RBM33: variants seen among roughly 807,000 people sequenced by gnomAD.
RBM33 encodes the protein RNA-binding protein 33.
Under a neutral mutation model 132.6 loss-of-function variants are expected in RBM33, and 28 were observed. The observed-to-expected ratio is 0.21, with a 90% CI of 0.16 to 0.29. The LOEUF (loss-of-function observed/expected upper bound fraction) is 0.29, where lower values mean the gene tolerates loss of function less well. RBM33 is among the 10% of genes least tolerant of loss of function. RBM33 has a pLI of 1.00. For synonymous variants in RBM33, 634 were observed against 593.0 expected (o/e 1.07, Z -1.01); for missense variants, 1,291 against 1,518.5 (o/e 0.85, Z 2.49).
rs143797095 is a variant in RBM33, at chr7:155,684,805, C to T, written c.567+3897C>T. 16 of 1,008,810 alleles carry T rather than the reference C, an allele frequency of 1.6e-5. No individual in the cohort carries two copies. The East Asian group carries it at 4.0e-4, about 25-fold the overall frequency. 62.5% of individuals were successfully genotyped at this position (1,008,810 alleles called of 1,614,324 possible). A position where few individuals can be genotyped will look rare whatever the true frequency, so the allele number is the denominator to read the frequency against. On this transcript the variant is annotated intron_variant, in intron 5 of 17. Transcript: ENST00000401878. ...GTTTCTGGGCCTGGTGCTTTGTGCTCAGTCAGCTAATCACCATAGTAAAAC... is the reference window on the plus strand; with the variant it reads ...GTTTCTGGGCCTGGTGCTTTGTGCTTAGTCAGCTAATCACCATAGTAAAAC...
At chr7:155,750,581 CTCA>C (rs1207392896) in intron 14 of RBM33, among the ~76,000 whole-genome samples, 1 of 152,168 alleles carries the variant, frequency 6.6e-6, no homozygotes, top group Non-Finnish European at 1.5e-5. Context: ...TCCCAGTTTC[CTCA>C]TCAGTACAAT....
chr7:155,737,624 C>T lies in RBM33; in HGVS notation c.1355C>T (p.Pro452Leu). ...RLPLQDQWRAPPPPQDRDPFF... is the reference protein window; with the variant it reads ...RLPLQDQWRALPPPQDRDPFF... ...CCTCTCCAGGACCAGTGGAGAGCCC[C>T]ACCCCCGCCTCAGGATCGAGACCCT... The change falls in exon 10 of 18, where the codon CCA becomes CTA. Residue 452 changes from proline to leucine, a missense_variant. Around this residue, in one of 7 missense-constraint regions of RBM33, gnomAD observed 841 missense variants for 912.0 expected, o/e 0.92. Transcript: ENST00000401878. 1.2e-6 allele frequency: 2 copies of T among 1,604,124 alleles called. No individual in the cohort carries two copies. Among genetic ancestry groups the T allele is most frequent in the Non-Finnish European group, 8.5e-7 (1 of 1,176,080 alleles).
intron 3 of RBM33, among the ~76,000 whole-genome samples, chr7:155,675,293 C>CAAAAA (rs71881256): frequency 7.8e-6 from 1 of 128,862 alleles, no homozygotes; most frequent in African/African-American, 3.1e-5. Context: ...GACTCCGTCT[C>CAAAAA]AAAAAAAAAA....
chr7:155,661,146 A>ATATTTTTT (rs1421586760), intron 1 of RBM33, among the ~76,000 whole-genome samples: 1,806 of 80,968 alleles, frequency 0.022, 78 homozygotes, highest in South Asian at 0.037. Context: ...ATATATATAT[A>ATATTTTTT]TTTTTTTTTT....
chr7:155,707,094 C>T, intron 7 of RBM33, 26 bp downstream of exon 7: 7 of 1,518,554 alleles, frequency 4.6e-6, no homozygotes, highest in South Asian at 1.2e-5. Flanking sequence ...CTTGTAGTAG[C>T]CCTAGAACTT....
rs1480633207 is a variant in RBM33, at chr7:155,780,174, C to G, written c.*5133C>G. On this transcript the variant is annotated 3_prime_UTR_variant, in exon 18 of 18. Transcript: ENST00000401878. ...GCTGGTTTTGCAAGGACTGTGTAAGCTGTATGCGTTCTAGCTGTATGCGTT... is the reference window on the plus strand; with the variant it reads ...GCTGGTTTTGCAAGGACTGTGTAAGGTGTATGCGTTCTAGCTGTATGCGTT... 2 of 152,198 alleles carry G rather than the reference C, an allele frequency of 1.3e-5. No individual in the cohort carries two copies. Among genetic ancestry groups the G allele is most frequent in the Non-Finnish European group, 2.9e-5 (2 of 68,038 alleles). The allele number at this position is 152,198 out of a possible 1,614,324, so 9.4% of individuals were successfully genotyped here.
At chr7:155,703,191 T>C (rs1033738798) in intron 6 of RBM33, among the ~76,000 whole-genome samples, 2 of 152,234 alleles carry the variant, frequency 1.3e-5, no homozygotes, top group African/African-American at 4.8e-5. Flanking sequence ...CTCAGGACTT[T>C]TCCCTCATTT....
intron 1 of RBM33, among the ~76,000 whole-genome samples, chr7:155,663,206 TTTC>T (rs761735519): frequency 5.7e-4 from 54 of 94,148 alleles, no homozygotes; most frequent in African/African-American, 1.2e-3. Context: ...CTTTTCTTTC[TTTC>T]TTTTTTTTTT....
rs148975210 is a variant in RBM33, at chr7:155,724,988, GTT to G, written c.1260+6547_1260+6548del. Among the ~76,000 whole-genome samples the G allele has an allele frequency of 1.3e-4, 15 of 117,222 alleles. No homozygotes were observed. In the South Asian group the frequency reaches 1.6e-3, roughly 13 times the overall value. The allele number at this position is 117,222 out of a possible 152,430, so 76.9% of individuals were successfully genotyped here. ...AGTTGCTGTAAACATTTGTGTACAG[GTT>G]TGTGTGTGTGTGTGTGTGTGTGTGT... On this transcript the variant is annotated intron_variant, in intron 9 of 17. Transcript: ENST00000401878.
At chr7:155,673,940 G>GTTGTTTTTTTTTTTTTTTTT in intron 3 of RBM33, among the ~76,000 whole-genome samples, 1 of 54,214 alleles carries the variant, frequency 1.8e-5, no homozygotes, top group African/African-American at 8.3e-5. Context: ...TTTAGGCTTA[G>GTTGTTTTTTTTTTTTTTTTT]TTTTTTTTTT....
chr7:155,777,688 A>G lies in RBM33; in HGVS notation c.*2647A>G, dbSNP rs1005226823. Reference sequence around the variant, plus strand: ...ATGGACCTTTTAAAATTAAAATACTATTGGAAGTGCTTTCAACTCAGCCAC... The same window carrying G: ...ATGGACCTTTTAAAATTAAAATACTGTTGGAAGTGCTTTCAACTCAGCCAC... On this transcript the variant is annotated 3_prime_UTR_variant, in exon 18 of 18. Coordinates refer to ENST00000401878, the MANE Select transcript of RBM33 (RefSeq NM_053043.3). 2 of 152,634 alleles carry G rather than the reference A, an allele frequency of 1.3e-5. No homozygotes were observed. The highest frequency in any genetic ancestry group is 4.8e-5 in the African/African-American group (2 of 41,450). The allele number at this position is 152,634 out of a possible 1,614,324, so 9.5% of individuals were successfully genotyped here. A position where few individuals can be genotyped will look rare whatever the true frequency, so the allele number is the denominator to read the frequency against.
intron 13 of RBM33, among the ~76,000 whole-genome samples, chr7:155,743,852 T>C (rs73167168): frequency 0.032 from 4,807 of 152,274 alleles, 92 homozygotes; most frequent in Middle Eastern, 0.048. Context: ...TCCCCAGCCG[T>C]CTGCTTCCCC....
chr7:155,701,588 G>C (rs1055169766), intron 6 of RBM33: 1 of 152,312 alleles, frequency 6.6e-6, no homozygotes, highest in Admixed American at 6.5e-5. Flanking sequence ...ATTTGAGTGA[G>C]CGTTAGAATC....
At chr7:155,691,256 G>A (rs1799630991) in intron 5 of RBM33, among the ~76,000 whole-genome samples, 3 of 151,948 alleles carry the variant, frequency 2.0e-5, no homozygotes, top group Admixed American at 2.0e-4. Flanking sequence ...CCAGTTGATC[G>A]AATCGGCTAC....
intron 3 of RBM33, among the ~76,000 whole-genome samples, chr7:155,673,800 A>ACCCCC (rs1554469987): frequency 1.4e-5 from 2 of 141,858 alleles, no homozygotes; most frequent in African/African-American, 5.8e-5. Context: ...ACACACACAC[A>ACCCCC]CCCCTACCAG....
chr7:155,673,950 T>G (rs200450253), intron 3 of RBM33, among the ~76,000 whole-genome samples: 2,558 of 38,144 alleles, frequency 0.067, 376 homozygotes, highest in Non-Finnish European at 0.1. Flanking sequence ...GTTTTTTTTT[T>G]TTTTTTTTTT....
At chr7:155,737,277 ACT>A (rs1356205992) in intron 9 of RBM33, among the ~76,000 whole-genome samples, 2 of 147,826 alleles carry the variant, frequency 1.4e-5, no homozygotes, top group African/African-American at 5.1e-5. Context: ...ATTACAATAC[ACT>A]CTGTGGTGTT....
At position 155,740,025 on chromosome 7, in the gene RBM33, A is replaced by C; in HGVS notation, c.2048A>C (p.His683Pro). ...MQCPQRQGLR[H>P]NTTSQNVSKR... ...TGCCCCCAGCGCCAGGGGCTCCGGC[A>C]TGTAAGTGTCAAGGGGTGTCTTCCC... Residue 683 changes from histidine to proline, a missense_variant and splice_region_variant, in exon 12 of 18, where the codon CAT becomes CCT. By Grantham distance (77) the His-to-Pro change is moderately conservative (BLOSUM62 -2). Coordinates refer to ENST00000401878, the MANE Select transcript of RBM33 (RefSeq NM_053043.3). 1.3e-6 allele frequency: 2 copies of C among 1,539,448 alleles called. No homozygotes were observed. The highest frequency in any genetic ancestry group is 1.8e-6 in the Non-Finnish European group (2 of 1,137,398).
In RBM33 at chr7:155,774,123, G is replaced by C. The variant is rs1235788080; in HGVS notation, c.3376-436G>C. On this transcript the variant is annotated intron_variant, in intron 16 of 17. Transcript: ENST00000401878. This position sits in a 1 kb window ranked among gnomAD's most constrained non-coding sequence, Gnocchi z 4.2. ...TAGGGGCCATTGCCTACTGTGGGCT[G>C]TGGGGCCCCCATACTAAACAGTTTC... is the stretch of plus-strand genomic sequence containing the variant. Among the ~76,000 whole-genome samples, 1 of 152,252 alleles carries C rather than the reference G, an allele frequency of 6.6e-6. No individual in the cohort carries two copies. Among genetic ancestry groups the C allele is most frequent in the Non-Finnish European group, 1.5e-5 (1 of 68,040 alleles).
Sources: allele counts gnomAD v4.1 joint callset (sites outside exome capture counted in the v4.1 genomes callset), GRCh38; gene constraint gnomAD v4.1.1; regional missense constraint gnomAD v4.1.1; non-coding constraint Gnocchi (gnomAD v3.1); transcripts MANE v1.5; gene names NCBI Gene and HGNC (gene_info 2026-07-23, HGNC 2026-07-21).